The following CALN1 variants were observed in gnomAD, a reference collection of about 807,000 sequenced individuals.
The protein encoded by CALN1 is calneuron 1.
In CALN1, 17 loss-of-function variants were observed where a neutral mutation model predicts 30.6. The ratio of observed to expected loss-of-function variants is 0.56; its 90% CI spans 0.38 to 0.83. The LOEUF is 0.83. Ranked by LOEUF, CALN1 falls within the 40% of genes least tolerant of loss-of-function variation. The probability of loss-of-function intolerance (pLI) is 0.00; values close to 1 mark genes in which losing one functional copy is unlikely to be tolerated. For missense variants in CALN1, 291 were observed against 354.9 expected (o/e 0.82, Z 1.45); for synonymous variants, 156 against 131.4 (o/e 1.19, Z -1.28).
At chr7:72,051,169 AGATAT>A (rs1262433709) in intron 4 of CALN1, among the ~76,000 whole-genome samples, 2 of 151,976 alleles carry the variant, frequency 1.3e-5, no homozygotes, top group East Asian at 3.8e-4. Flanking sequence ...ATTCACAAAT[AGATAT>A]GATATGCATT....
intron 2 of CALN1, among the ~76,000 whole-genome samples, chr7:72,321,431 A>C (rs1251640218): frequency 6.6e-6 from 1 of 152,234 alleles, no homozygotes; most frequent in African/African-American, 2.4e-5. Flanking sequence ...GAACATATTC[A>C]CCACAACACC....
chr7:72,372,814 CG>C (rs1178908997), intron 2 of CALN1, among the ~76,000 whole-genome samples: 1 of 152,116 alleles, frequency 6.6e-6, no homozygotes, highest in East Asian at 1.9e-4. Flanking sequence ...CCCTGAATCA[CG>C]TAACAAAATA....
intron 5 of CALN1, among the ~76,000 whole-genome samples, chr7:71,863,592 A>T (rs961470614): frequency 2.0e-5 from 3 of 151,376 alleles, no homozygotes; most frequent in African/African-American, 7.3e-5. Flanking sequence ...AAGAAGAAAG[A>T]AAGAAATAAC....
At chr7:71,812,128 C>T (rs1220100691) in intron 5 of CALN1, among the ~76,000 whole-genome samples, 2 of 152,126 alleles carry the variant, frequency 1.3e-5, no homozygotes, top group Non-Finnish European at 1.5e-5. Flanking sequence ...GCTGTTCCTT[C>T]GGGCTGGGTC....
At chr7:72,217,031 T>C (rs561165935) in intron 3 of CALN1, among the ~76,000 whole-genome samples, 12 of 152,206 alleles carry the variant, frequency 7.9e-5, no homozygotes, top group Admixed American at 2.0e-4. Flanking sequence ...AGCCATCACA[T>C]CCGGCCTTCA....
rs1482487207 is a variant in CALN1, at chr7:72,075,396, G to A, written c.388+30755C>T. Among the ~76,000 whole-genome samples the A allele has an allele frequency of 3.3e-5, 5 of 152,188 alleles. No homozygotes were observed. In the East Asian group the frequency reaches 9.6e-4, roughly 29 times the overall value. On this transcript the variant is annotated intron_variant, in intron 4 of 6. Transcript: ENST00000395275. ...AGGAATAAAGACAATCAGGCTGAAA[G>A]TTAAAATGCATAGGCTGGAACATCT...
At chr7:72,247,941 G>A (rs760044443) in intron 3 of CALN1, among the ~76,000 whole-genome samples, 6 of 152,170 alleles carry the variant, frequency 3.9e-5, no homozygotes, top group Non-Finnish European at 7.4e-5. Context: ...AGGTTGCAGT[G>A]AGCTACAATC....
intron 2 of CALN1, among the ~76,000 whole-genome samples, chr7:72,314,745 G>A (rs949969230): frequency 2.6e-5 from 4 of 151,616 alleles, no homozygotes; most frequent in African/African-American, 9.7e-5. Flanking sequence ...GAACGCAGAG[G>A]TAAGTATTTG....
chr7:71,845,576 C>T (rs1034547044), intron 5 of CALN1, among the ~76,000 whole-genome samples: 1 of 152,162 alleles, frequency 6.6e-6, no homozygotes, highest in African/African-American at 2.4e-5. Context: ...GATTTTCTGC[C>T]TCTAGCCCTT....
intron 3 of CALN1, among the ~76,000 whole-genome samples, chr7:72,152,052 G>A (rs1787294986): frequency 1.3e-5 from 2 of 151,648 alleles, no homozygotes; most frequent in Non-Finnish European, 2.9e-5. Context: ...TGGATTACAG[G>A]CACCCACTAC....
rs946583594 is a variant in CALN1, at chr7:72,198,257, T to G, written c.244+80429A>C. On this transcript the variant is annotated intron_variant, in intron 3 of 6. Transcript: ENST00000395275. ...TCAGATATTTCAATACTTGCAAGGC[T>G]TTTTACTTTGGCATGATGAATGGCC... Among the ~76,000 whole-genome samples, 64 of 152,330 alleles carry G rather than the reference T, an allele frequency of 4.2e-4. 2 individuals carry two copies. Among genetic ancestry groups the G allele is most frequent in the Non-Finnish European group, 1.2e-4 (8 of 68,016 alleles).
At chr7:72,208,695 A>G (rs1792077847) in intron 3 of CALN1, among the ~76,000 whole-genome samples, 1 of 152,142 alleles carries the variant, frequency 6.6e-6, no homozygotes, top group Non-Finnish European at 1.5e-5. Context: ...TTGTAATGGG[A>G]AAACAACTAT....
intron 5 of CALN1, among the ~76,000 whole-genome samples, chr7:71,867,440 T>TA (rs1392018693): frequency 2.0e-5 from 3 of 151,932 alleles, no homozygotes; most frequent in African/African-American, 7.3e-5. Flanking sequence ...CTTATTTATT[T>TA]ATTTATTTAT....
the CALN1 span, among the ~76,000 whole-genome samples, chr7:72,498,941 C>T: frequency 1.5e-4 from 22 of 151,516 alleles, no homozygotes; most frequent in Non-Finnish European, 1.5e-4. Context: ...CAGACTCATA[C>T]GCAAATAATT....
At chr7:72,043,891 T>C (rs760746401) in intron 4 of CALN1, among the ~76,000 whole-genome samples, 4 of 152,184 alleles carry the variant, frequency 2.6e-5, no homozygotes, top group Admixed American at 6.5e-5. Context: ...CTCACAATCA[T>C]GGCGGAAGGC....
At chr7:72,331,135 A>C (rs1194783939) in intron 2 of CALN1, among the ~76,000 whole-genome samples, 1 of 152,132 alleles carries the variant, frequency 6.6e-6, no homozygotes, top group East Asian at 1.9e-4. Context: ...AGATTACCTG[A>C]AGTCAGGAGT....
chr7:72,100,468 C>A (rs112917262), intron 4 of CALN1, among the ~76,000 whole-genome samples: 2,794 of 152,102 alleles, frequency 0.018, 80 homozygotes, highest in African/African-American at 0.061. Context: ...AAAATGTGGG[C>A]CACGGTACCC....
intron 6 of CALN1, among the ~76,000 whole-genome samples, chr7:71,806,530 C>T (rs1787633218): frequency 6.6e-6 from 1 of 152,216 alleles, no homozygotes. Context: ...TGGTCTCGAA[C>T]TCCTGACCTC....
intron 3 of CALN1, among the ~76,000 whole-genome samples, chr7:72,127,566 C>T (rs1426834913): frequency 6.6e-6 from 1 of 152,008 alleles, no homozygotes; most frequent in Non-Finnish European, 1.5e-5. Context: ...GAAAAGTGGT[C>T]AACGTATATA....
Sources: allele counts gnomAD v4.1 joint callset (sites outside exome capture counted in the v4.1 genomes callset), GRCh38; gene constraint gnomAD v4.1.1; transcripts MANE v1.5; gene names NCBI Gene and HGNC (gene_info 2026-07-23, HGNC 2026-07-21).